KANSL1L: variants seen among roughly 807,000 people sequenced by gnomAD.
The protein encoded by KANSL1L is KAT8 regulatory NSL complex subunit 1 like.
A neutral mutation model predicts 108.6 loss-of-function variants in KANSL1L; 25 were observed. The ratio of observed to expected loss-of-function variants is 0.23; its 90% CI spans 0.17 to 0.32. The LOEUF is 0.32. Among genes scored for constraint, KANSL1L ranks in the 10% least tolerant of loss-of-function variants. The pLI, the probability that KANSL1L is intolerant of heterozygous loss-of-function variation, is 1.00. For synonymous variants in KANSL1L, 405 were observed against 395.1 expected (o/e 1.03, Z -0.30); for missense variants, 1,137 against 1,125.7 (o/e 1.01, Z -0.14).
intron 3 of KANSL1L, among the ~76,000 whole-genome samples, chr2:210,105,749 A>C (rs1165775542): frequency 6.6e-6 from 1 of 152,118 alleles, no homozygotes; most frequent in Non-Finnish European, 1.5e-5. Flanking sequence ...TTTTTAAAAA[A>C]ATCTACATTT....
At chr2:210,025,267 T>C (rs571698689) in intron 12 of KANSL1L, 51 bp from the exon 13 acceptor site, 34 of 1,175,630 alleles carry the variant, frequency 2.9e-5, no homozygotes, top group South Asian at 2.1e-4. Flanking sequence ...TTTTGAAATA[T>C]AAGATCAGGC....
In KANSL1L at chr2:210,108,825, G is replaced by A. The variant is rs575643885; in HGVS notation, c.1231-4524C>T. The stretch of plus-strand genomic sequence containing the variant: ...ATCTCACAGAACTAGTAAGCCTAAG[G>A]TTTTATGTCTATCCTTCTTCCTACC... On this transcript the variant is annotated intron_variant, in intron 3 of 14. Coordinates refer to ENST00000281772, the MANE Select transcript of KANSL1L (RefSeq NM_152519.4). 1.7e-3 allele frequency among the ~76,000 whole-genome samples: 260 copies of A among 152,236 alleles called. 1 individual carries two copies. The highest frequency in any genetic ancestry group is 5.7e-3 in the African/African-American group (235 of 41,552).
chr2:210,120,818 C>A (rs571629535), intron 3 of KANSL1L, among the ~76,000 whole-genome samples: 1 of 152,020 alleles, frequency 6.6e-6, no homozygotes, highest in East Asian at 1.9e-4. Flanking sequence ...CAAACAACCC[C>A]ATAAAAAAGT....
intron 6 of KANSL1L, 141 bp downstream of exon 6, chr2:210,075,410 AT>A: frequency 1.6e-6 from 1 of 618,750 alleles, no homozygotes; most frequent in South Asian, 2.2e-5. Flanking sequence ...CTACTATATC[AT>A]TTTTAAACTA....
At chr2:210,052,744 C>T (rs758387297) in intron 6 of KANSL1L, among the ~76,000 whole-genome samples, 1 of 152,186 alleles carries the variant, frequency 6.6e-6, no homozygotes. Context: ...ATGTTCACCA[C>T]AGTATCTCCA....
At chr2:210,046,341 A>AAAAATTCC (rs2094222905) in intron 6 of KANSL1L, among the ~76,000 whole-genome samples, 1 of 152,122 alleles carries the variant, frequency 6.6e-6, no homozygotes, top group African/African-American at 2.4e-5. Flanking sequence ...GCATCAACTA[A>AAAAATTCC]AAAATTCCAA....
rs149471211 is a variant in KANSL1L at position 210,116,287 on chromosome 2, C to T, written c.1231-11986G>A. Among the ~76,000 whole-genome samples, 179 of 152,254 alleles carry T rather than the reference C, an allele frequency of 1.2e-3. 1 individual carries two copies. Among genetic ancestry groups the T allele is most frequent in the African/African-American group, 3.4e-3 (142 of 41,566 alleles). On this transcript the variant is annotated intron_variant, in intron 3 of 14. Transcript: ENST00000281772. ...TAGAACACAGCACCAGGTGGAGTCC[C>T]AAGATGGCATCTCTAGACCCACCCG...
At chr2:210,117,650 A>G (rs2125491522) in intron 3 of KANSL1L, among the ~76,000 whole-genome samples, 1 of 152,272 alleles carries the variant, frequency 6.6e-6, no homozygotes, top group African/African-American at 2.4e-5. Context: ...TCCAGCAAAT[A>G]TATCCTTCAA....
intron 2 of KANSL1L, among the ~76,000 whole-genome samples, chr2:210,144,455 T>G: frequency 6.6e-6 from 1 of 152,322 alleles, no homozygotes; most frequent in South Asian, 2.1e-4. Flanking sequence ...ACATTAGCTC[T>G]GTTGAGGATA....
At chr2:210,143,603 T>C (rs543100941) in intron 2 of KANSL1L, among the ~76,000 whole-genome samples, 139 of 152,228 alleles carry the variant, frequency 9.1e-4, no homozygotes, top group Non-Finnish European at 1.5e-3. Context: ...CCTGGATTCC[T>C]TTCTCTTCAT....
At position 210,044,019 on chromosome 2, in the gene KANSL1L, T is replaced by C; in HGVS notation, c.1841A>G (p.His614Arg). The change falls in exon 7 of 15, where the codon CAC becomes CGC. Residue 614 changes from histidine (H) to arginine (R), a missense_variant. This residue lies in a region of KANSL1L where 575 missense variants were observed against 567.1 expected (regional missense o/e 1.01). Transcript: ENST00000281772. The surrounding 1 kb of genome is among the most constrained non-coding windows in gnomAD (Gnocchi z 4.2). ...TCTTAATAGGTAAGACTCCGAATTG[T>C]GTTCATAGCTACTCCAAGTTGAAGC... is the stretch of plus-strand genomic sequence containing the variant. ...QSASTWSSYEHNSESYLLREH... is the reference protein window; with the variant it reads ...QSASTWSSYERNSESYLLREH... The C allele has an allele frequency of 1.2e-6, 2 of 1,609,512 alleles. No individual in the cohort carries two copies. The highest frequency in any genetic ancestry group is 1.7e-6 in the Non-Finnish European group (2 of 1,177,028).
intron 3 of KANSL1L, among the ~76,000 whole-genome samples, chr2:210,120,932 C>T (rs756842660): frequency 1.3e-5 from 2 of 152,098 alleles, no homozygotes. Flanking sequence ...AAATGCAAAT[C>T]AAAACCACAA....
chr2:210,030,352 G>A (rs2093998290), intron 9 of KANSL1L, among the ~76,000 whole-genome samples: 1 of 151,652 alleles, frequency 6.6e-6, no homozygotes, highest in African/African-American at 2.4e-5. Flanking sequence ...GCTATTATAA[G>A]TACATGTTTC....
intron 5 of KANSL1L, among the ~76,000 whole-genome samples, chr2:210,086,266 A>G (rs2094636339): frequency 6.6e-6 from 1 of 152,116 alleles, no homozygotes. Flanking sequence ...AAAAATCTAG[A>G]CACTATTTCA....
intron 3 of KANSL1L, among the ~76,000 whole-genome samples, chr2:210,104,896 G>A (rs1338462523): frequency 6.6e-6 from 1 of 152,010 alleles, no homozygotes; most frequent in Non-Finnish European, 1.5e-5. Flanking sequence ...ACTGCTTTCA[G>A]GGTAGCTGTG....
chr2:210,150,737 G>A (rs999025665), intron 2 of KANSL1L, among the ~76,000 whole-genome samples: 8 of 150,792 alleles, frequency 5.3e-5, no homozygotes, highest in East Asian at 2.0e-4. Context: ...AGCCGAGATC[G>A]TGCCATTGCA....
At chr2:210,082,260 A>G (rs2094596614) in intron 5 of KANSL1L, among the ~76,000 whole-genome samples, 1 of 152,250 alleles carries the variant, frequency 6.6e-6, no homozygotes, top group African/African-American at 2.4e-5. Flanking sequence ...TTACCATCCA[A>G]TCAGAAAGAT....
chr2:210,058,836 CAAAAA>C (rs71043968), intron 6 of KANSL1L, among the ~76,000 whole-genome samples: 1 of 65,810 alleles, frequency 1.5e-5, no homozygotes, highest in Non-Finnish European at 3.1e-5. Flanking sequence ...GACTCCGTCT[CAAAAA>C]AAAAAAAAAA....
intron 6 of KANSL1L, among the ~76,000 whole-genome samples, chr2:210,062,287 G>T (rs1411151596): frequency 6.6e-6 from 1 of 152,288 alleles, no homozygotes; most frequent in African/African-American, 2.4e-5. Flanking sequence ...TTCACCTTGT[G>T]CGGTGATTGT....
Sources: allele counts gnomAD v4.1 joint callset (sites outside exome capture counted in the v4.1 genomes callset), GRCh38; gene constraint gnomAD v4.1.1; regional missense constraint gnomAD v4.1.1; non-coding constraint Gnocchi (gnomAD v3.1); transcripts MANE v1.5; gene names NCBI Gene and HGNC (gene_info 2026-07-23, HGNC 2026-07-21).